The following CHD9 variants were observed in gnomAD, a reference collection of about 807,000 sequenced individuals.
CHD9 encodes the protein chromodomain helicase DNA binding protein 9.
Under a neutral mutation model 316.1 loss-of-function variants are expected in CHD9, and 77 were observed. The observed-to-expected ratio is 0.24, with a 90% CI of 0.20 to 0.29. The LOEUF (loss-of-function observed/expected upper bound fraction) is 0.29. Among genes scored for constraint, CHD9 ranks in the 10% least tolerant of loss-of-function variants. The pLI is 1.00. For synonymous variants in CHD9, 1,129 were observed against 1,158.3 expected, an observed-to-expected ratio of 0.97 and a Z score of 0.51; for missense variants, 2,763 against 3,438.1, an observed-to-expected ratio of 0.80 and a Z score of 4.91.
intron 10 of CHD9, 110 bp downstream of exon 10, chr16:53,231,894 T>C (rs1237492092): frequency 9.7e-7 from 1 of 1,035,876 alleles, no homozygotes; most frequent in Non-Finnish European, 1.4e-6. Context: ...TAAACAGGCT[T>C]GTTACTATGT....
At chr16:53,250,192 T>G (rs925454020) in intron 17 of CHD9, 126 bp downstream of exon 17, 2 of 650,838 alleles carry the variant, frequency 3.1e-6, no homozygotes, top group Admixed American at 6.7e-5. Flanking sequence ...ATGAAATATC[T>G]GTGCCAAATA....
At chr16:53,229,924 A>G (rs1432675112) in intron 8 of CHD9, among the ~76,000 whole-genome samples, 1 of 152,206 alleles carries the variant, frequency 6.6e-6, no homozygotes, top group African/African-American at 2.4e-5. Context: ...TAGTGTTTTT[A>G]TAACAAAAAG....
At chr16:53,181,650 GT>G (rs572222099) in intron 2 of CHD9, among the ~76,000 whole-genome samples, 129 of 152,110 alleles carry the variant, frequency 8.5e-4, no homozygotes, top group African/African-American at 3.0e-3. Context: ...TTTTTAACAT[GT>G]TTTCTATATG....
intron 24 of CHD9, among the ~76,000 whole-genome samples, chr16:53,276,069 T>C (rs1329010043): frequency 6.6e-6 from 1 of 152,180 alleles, no homozygotes; most frequent in African/African-American, 2.4e-5. Flanking sequence ...TGTCCCCACA[T>C]CTTAACACTT....
At chr16:53,237,033 G>C (rs1353132581) in intron 11 of CHD9, among the ~76,000 whole-genome samples, 1 of 151,818 alleles carries the variant, frequency 6.6e-6, no homozygotes, top group East Asian at 1.9e-4. Context: ...ATTTTTATTT[G>C]CCTCTTGCTA....
chr16:53,318,696 AAGG>A (rs1012290980), intron 37 of CHD9, among the ~76,000 whole-genome samples: 3 of 152,198 alleles, frequency 2.0e-5, no homozygotes, highest in Admixed American at 2.0e-4. Context: ...TGGTAGCCAC[AAGG>A]AGAAGATGCT....
intron 2 of CHD9, among the ~76,000 whole-genome samples, chr16:53,206,374 A>C (rs1388359023): frequency 1.3e-5 from 1 of 79,866 alleles, no homozygotes; most frequent in Non-Finnish European, 2.9e-5. Context: ...AAAAAAAAAA[A>C]CCATCCTAGC....
At chr16:53,143,385 T>TATTC (rs1474439356) in intron 1 of CHD9, among the ~76,000 whole-genome samples, 1 of 149,332 alleles carries the variant, frequency 6.7e-6, no homozygotes, top group East Asian at 2.0e-4. Flanking sequence ...TTTATTTATT[T>TATTC]ATTTATTTAT....
intron 7 of CHD9, among the ~76,000 whole-genome samples, chr16:53,228,106 T>A (rs1342791823): frequency 1.3e-5 from 2 of 152,098 alleles, no homozygotes; most frequent in African/African-American, 4.8e-5. Context: ...AATTAAATTT[T>A]TTTTATTTTC....
At chr16:53,164,502 C>T (rs891881606) in intron 2 of CHD9, among the ~76,000 whole-genome samples, 4 of 152,008 alleles carry the variant, frequency 2.6e-5, no homozygotes, top group Non-Finnish European at 4.4e-5. Context: ...TCACCTGAGC[C>T]CAGGAGGTTG....
At position 53,204,046 on chromosome 16, in the gene CHD9, AAAAT is replaced by A. The variant is rs58303405; in HGVS notation, c.1453-5434_1453-5431del. ...CTCAAAAAAAAAAAAAAAAAAAAAA[AAAAT>A]ATATATATACACACACACACACACA... On this transcript the variant is annotated intron_variant, in intron 2 of 38. Transcript: ENST00000447540. Among the ~76,000 whole-genome samples, 181 of 89,874 alleles carry A rather than the reference AAAAT, an allele frequency of 2.0e-3. 1 individual carries two copies. The East Asian group carries it at 0.031, about 16-fold the overall frequency. The allele number at this position is 89,874 out of a possible 152,430, so 59.0% of individuals were successfully genotyped here.
chr16:53,098,493 G>A (rs12919730), intron 1 of CHD9, among the ~76,000 whole-genome samples: 29,550 of 137,450 alleles, frequency 0.21, 3,624 homozygotes, highest in South Asian at 0.31. Context: ...AAAAAAAAAA[G>A]AAAGAAAGAA....
rs550117277 is a variant in CHD9 at position 53,238,293 on chromosome 16, A to G, written c.2634-50A>G. 4.9e-4 allele frequency: 714 copies of G among 1,454,142 alleles called. 11 individuals are homozygous for G. In the South Asian group the frequency reaches 9.0e-3, roughly 18 times the overall value. 90.1% of individuals were successfully genotyped at this position (1,454,142 alleles called of 1,614,324 possible). A position where few individuals can be genotyped will look rare whatever the true frequency, so the allele number is the denominator to read the frequency against. On this transcript the variant is annotated intron_variant, in intron 11 of 38. Transcript: ENST00000447540. ...ATTTTTGTATATTTATCTTTAAAGT[A>G]TAGAAAAAAAACCCAATGTATGCAT...
At chr16:53,169,287 T>C (rs1373310678) in intron 2 of CHD9, 5 of 152,216 alleles carry the variant, frequency 3.3e-5, no homozygotes, top group Admixed American at 6.6e-5. Flanking sequence ...CTTGAACTCC[T>C]GGCCTCAAGC....
rs2049488754 is a variant in CHD9, at chr16:53,245,298, C to T, written c.3055-38C>T. The T allele has an allele frequency of 6.9e-7, 1 of 1,446,582 alleles. No individual in the cohort carries two copies. The highest frequency in any genetic ancestry group is 1.4e-5 in the African/African-American group (1 of 69,130). The allele number at this position is 1,446,582 out of a possible 1,614,324, so 89.6% of individuals were successfully genotyped here. ...AGTCAGCTTTCATATAATTTTAGTA[C>T]TGTGATGTTTGATGTGAATTGTTCT... On this transcript the variant is annotated intron_variant, in intron 13 of 38. Coordinates refer to ENST00000447540, the MANE Select transcript of CHD9 (RefSeq NM_001308319.2). The surrounding 1 kb of genome is among the most constrained non-coding windows in gnomAD (Gnocchi z 4.1).
rs77046680 is a variant in CHD9 at position 53,078,981 on chromosome 16, G to A, written c.-165+23904G>A. The stretch of plus-strand genomic sequence containing the variant: ...CAGAGGTCAGAGGTTGCCTGAATAT[G>A]GCATTATGTCGTCTTTGAAAGTGAA... On this transcript the variant is annotated intron_variant, in intron 1 of 38. Coordinates refer to ENST00000447540, the MANE Select transcript of CHD9 (RefSeq NM_001308319.2). Among the ~76,000 whole-genome samples the A allele has an allele frequency of 5.7e-3, 865 of 152,274 alleles. 13 individuals are homozygous for A. The highest frequency in any genetic ancestry group is 0.02 in the African/African-American group (820 of 41,564).
At chr16:53,168,016 A>G (rs1212786742) in intron 2 of CHD9, among the ~76,000 whole-genome samples, 1 of 152,098 alleles carries the variant, frequency 6.6e-6, no homozygotes, top group African/African-American at 2.4e-5. Flanking sequence ...AACATTGAGT[A>G]TAATTAGAAT....
At chr16:53,122,974 C>T (rs2038810664) in intron 1 of CHD9, among the ~76,000 whole-genome samples, 2 of 151,464 alleles carry the variant, frequency 1.3e-5, no homozygotes, top group Admixed American at 1.3e-4. Flanking sequence ...ACCTCGGCCT[C>T]CCAAAGTGCT....
At chr16:53,318,156 G>C (rs1390127682) in intron 36 of CHD9, 56 bp from the exon 37 acceptor site, 1 of 1,398,836 alleles carries the variant, frequency 7.1e-7, no homozygotes. Flanking sequence ...TTAATATTTT[G>C]AATTGTTTTG....
Sources: allele counts gnomAD v4.1 joint callset (sites outside exome capture counted in the v4.1 genomes callset), GRCh38; gene constraint gnomAD v4.1.1; non-coding constraint Gnocchi (gnomAD v3.1); transcripts MANE v1.5; gene names NCBI Gene and HGNC (gene_info 2026-07-23, HGNC 2026-07-21).